SNTG1: variants seen among roughly 807,000 people sequenced by gnomAD.
SNTG1 encodes the protein syntrophin gamma 1.
Under a neutral mutation model 74.7 loss-of-function variants are expected in SNTG1, and 39 were observed. That is an observed-to-expected ratio of 0.52 (90% confidence interval 0.40 to 0.68). The LOEUF (loss-of-function observed/expected upper bound fraction) is 0.68, where lower values mean the gene tolerates loss of function less well. Ranked by LOEUF, SNTG1 falls within the 30% of genes least tolerant of loss-of-function variation. The probability of loss-of-function intolerance (pLI) is 0.00; values close to 1 mark genes in which losing one functional copy is unlikely to be tolerated. For missense variants in SNTG1, 685 were observed against 609.5 expected, an observed-to-expected ratio of 1.12 and a Z score of -1.30; for synonymous variants, 254 against 217.1, an observed-to-expected ratio of 1.17 and a Z score of -1.49.
At chr8:50,151,721 T>G (rs981104545) in intron 1 of SNTG1, among the ~76,000 whole-genome samples, 5 of 152,202 alleles carry the variant, frequency 3.3e-5, no homozygotes, top group African/African-American at 9.6e-5. Flanking sequence ...TGATTGGTTT[T>G]GAGTGAGTTT....
At chr8:50,423,005 T>TTG (rs1554521450) in intron 4 of SNTG1, among the ~76,000 whole-genome samples, 1 of 152,048 alleles carries the variant, frequency 6.6e-6, no homozygotes, top group Admixed American at 6.6e-5. Context: ...GAGGTGGGTT[T>TTG]GGGGGGGTTA....
At chr8:49,919,361 A>T (rs1276293840) in intron 1 of SNTG1, among the ~76,000 whole-genome samples, 2 of 152,106 alleles carry the variant, frequency 1.3e-5, no homozygotes, top group African/African-American at 4.8e-5. Flanking sequence ...CTCTTCCCAG[A>T]ACACAAATGA....
chr8:50,651,865 C>A (rs1022525418), intron 13 of SNTG1, among the ~76,000 whole-genome samples: 1 of 152,006 alleles, frequency 6.6e-6, no homozygotes, highest in Non-Finnish European at 1.5e-5. Context: ...CTGCAACCTC[C>A]ACCTCCCAGG....
At chr8:50,696,317 T>C (rs2095405063) in intron 15 of SNTG1, among the ~76,000 whole-genome samples, 1 of 152,074 alleles carries the variant, frequency 6.6e-6, no homozygotes, top group Non-Finnish European at 1.5e-5. Context: ...ATGGGGTTAT[T>C]TGTTTTCTTC....
intron 2 of SNTG1, among the ~76,000 whole-genome samples, chr8:50,324,605 C>T (rs372847967): frequency 3.3e-5 from 5 of 152,086 alleles, no homozygotes; most frequent in Admixed American, 6.6e-5. Flanking sequence ...TTGCATTTCC[C>T]TCTTTAGTTC....
chr8:50,013,624 A>G (rs144667925), intron 1 of SNTG1, among the ~76,000 whole-genome samples: 2,235 of 152,166 alleles, frequency 0.015, 55 homozygotes, highest in African/African-American at 0.049. Context: ...TTAAACTAAC[A>G]CATAATAATT....
At chr8:50,379,095 G>T (rs1404756049) in intron 2 of SNTG1, among the ~76,000 whole-genome samples, 1 of 152,160 alleles carries the variant, frequency 6.6e-6, no homozygotes, top group Non-Finnish European at 1.5e-5. Flanking sequence ...GTGAAGAACT[G>T]CCCTCAACCC....
intron 1 of SNTG1, among the ~76,000 whole-genome samples, chr8:50,062,191 A>G (rs572606183): frequency 2.0e-5 from 3 of 151,888 alleles, no homozygotes; most frequent in Non-Finnish European, 2.9e-5. Flanking sequence ...GTATAGGTGC[A>G]TGTCACCACT....
chr8:50,237,203 A>G (rs562192646), intron 2 of SNTG1, among the ~76,000 whole-genome samples: 2 of 152,048 alleles, frequency 1.3e-5, no homozygotes, highest in African/African-American at 4.8e-5. Context: ...TGTTTCTCAC[A>G]GTCAGGATTT....
At chr8:50,715,372 T>A (rs999174386) in intron 17 of SNTG1, among the ~76,000 whole-genome samples, 2 of 152,230 alleles carry the variant, frequency 1.3e-5, no homozygotes, top group East Asian at 3.8e-4. Flanking sequence ...ATTGCTTTTA[T>A]TATTATTTAA....
At chr8:49,969,459 C>A (rs1436178995) in intron 1 of SNTG1, among the ~76,000 whole-genome samples, 4 of 123,222 alleles carry the variant, frequency 3.2e-5, no homozygotes, top group South Asian at 2.6e-4. Flanking sequence ...TGCAATGGTG[C>A]AATCTCGGCT....
Position 50,293,918 on chromosome 8 carries a change from T to C in SNTG1, c.-27-100294T>C, listed in dbSNP as rs185850158. ...TTCAGAAATAATTCAATATTTGACA[T>C]CATATAACTTTTGCTATCTCTAGAG... On this transcript the variant is annotated intron_variant, in intron 2 of 18. Coordinates refer to ENST00000642720, the MANE Select transcript of SNTG1 (RefSeq NM_018967.5). Among the ~76,000 whole-genome samples the C allele has an allele frequency of 1.6e-3, 247 of 152,238 alleles. 1 individual carries two copies. The highest frequency in any genetic ancestry group is 0.014 in the Middle Eastern group (4 of 294).
chr8:49,953,255 C>T (rs777152748), intron 1 of SNTG1, among the ~76,000 whole-genome samples: 7 of 152,184 alleles, frequency 4.6e-5, no homozygotes, highest in Non-Finnish European at 1.0e-4. Context: ...GTCAAAGCCC[C>T]TCCTCCTCTT....
chr8:50,660,682 C>T (rs1210359103), intron 15 of SNTG1, among the ~76,000 whole-genome samples: 2 of 152,132 alleles, frequency 1.3e-5, no homozygotes, highest in Non-Finnish European at 2.9e-5. Context: ...CAAGTAGCTG[C>T]ATGATCTTTT....
intron 1 of SNTG1, among the ~76,000 whole-genome samples, chr8:50,143,732 T>C (rs2081756181): frequency 6.6e-6 from 1 of 152,206 alleles, no homozygotes; most frequent in African/African-American, 2.4e-5. Flanking sequence ...TTTTAGAGTG[T>C]ATTTTAGTAT....
chr8:49,910,720 G>T (rs1347013134), upstream of SNTG1, among the ~76,000 whole-genome samples: 1 of 152,116 alleles, frequency 6.6e-6, no homozygotes, highest in African/African-American at 2.4e-5. Flanking sequence ...GAGGCGAGGG[G>T]GCAGCGTGGG....
intron 1 of SNTG1, among the ~76,000 whole-genome samples, chr8:49,932,709 A>G (rs1442245481): frequency 2.6e-5 from 4 of 152,136 alleles, no homozygotes; most frequent in Non-Finnish European, 1.5e-5. Flanking sequence ...CATCACCACT[A>G]TTTAATTTCA....
intron 2 of SNTG1, among the ~76,000 whole-genome samples, chr8:50,256,388 TA>T (rs927264740): frequency 3.3e-5 from 5 of 151,842 alleles, no homozygotes; most frequent in African/African-American, 9.7e-5. Flanking sequence ...CATTTTGATT[TA>T]AAAATAATAT....
At chr8:50,075,698 T>A (rs1821804632) in intron 1 of SNTG1, among the ~76,000 whole-genome samples, 1 of 152,130 alleles carries the variant, frequency 6.6e-6, no homozygotes, top group Admixed American at 6.5e-5. Context: ...GTACTGCCTT[T>A]ATGAGCTGTA....
Sources: gnomAD v4.1 joint callset for allele counts (sites outside exome capture counted in the v4.1 genomes callset) on GRCh38, gnomAD v4.1.1 for gene constraint, MANE v1.5 for transcripts, NCBI Gene and HGNC (gene_info 2026-07-23, HGNC 2026-07-21) for gene names.